The following SLC5A10 variants were observed in gnomAD, a reference collection of about 807,000 sequenced individuals.
The protein encoded by SLC5A10 is solute carrier family 5 member 10.
A neutral mutation model predicts 68.9 loss-of-function variants in SLC5A10; 55 were observed. The observed-to-expected ratio is 0.80, with a 90% CI of 0.64 to 1.00. The LOEUF (loss-of-function observed/expected upper bound fraction) is 1.00. SLC5A10 is among the 50% of genes least tolerant of loss of function. The probability of loss-of-function intolerance (pLI) is 0.00; values close to 1 mark genes in which losing one functional copy is unlikely to be tolerated. For missense variants in SLC5A10, 732 were observed against 819.3 expected (o/e 0.89, Z 1.30); for synonymous variants, 344 against 344.8 (o/e 1.00, Z 0.02).
chr17:18,971,211 C>T lies in SLC5A10; in HGVS notation c.839C>T (p.Thr280Ile). 8.7e-6 allele frequency: 14 copies of T among 1,613,940 alleles called. No individual in the cohort carries two copies. The highest frequency in any genetic ancestry group is 1.2e-5 in the Non-Finnish European group (14 of 1,180,040). The change falls in exon 8 of 15, where the codon ACC becomes ATC. Residue 280 changes from threonine to isoleucine, a missense_variant. Transcript: ENST00000395645. The surrounding 1 kb of genome is among the most constrained non-coding windows in gnomAD (Gnocchi z 5.5). ...ATCATGGCCACCTGGTACTGGTGCA[C>T]CGACCAGGTGAGTGCCAACGTCTCC... ...LTIMATWYWC[T>I]DQVIVQRSLS...
chr17:18,974,113 G>A (rs901571906), intron 8 of SLC5A10, among the ~76,000 whole-genome samples: 1 of 151,954 alleles, frequency 6.6e-6, no homozygotes, highest in African/African-American at 2.4e-5. Flanking sequence ...GGCTGGTCTC[G>A]AACTCCTGAC....
rs1444919640 is a variant in SLC5A10 at position 19,000,274 on chromosome 17, C to T, written c.983-13136C>T. Among the ~76,000 whole-genome samples the T allele has an allele frequency of 1.3e-5, 2 of 152,184 alleles. No individual in the cohort carries two copies. The highest frequency in any genetic ancestry group is 2.4e-5 in the African/African-American group (1 of 41,438). Reference sequence around the variant, plus strand: ...CTGAGAGTGAGACCTGGGACCCACCCGCCTCTTGTCCCAGGGGAGTCTAGG... The same window carrying T: ...CTGAGAGTGAGACCTGGGACCCACCTGCCTCTTGTCCCAGGGGAGTCTAGG... On this transcript the variant is annotated intron_variant, in intron 9 of 14. Transcript: ENST00000395645. This position sits in a 1 kb window ranked among gnomAD's most constrained non-coding sequence, Gnocchi z 5.2.
At chr17:18,962,734 C>A (rs1331631240) in intron 5 of SLC5A10, among the ~76,000 whole-genome samples, 1 of 151,988 alleles carries the variant, frequency 6.6e-6, no homozygotes, top group Non-Finnish European at 1.5e-5. Context: ...AGAGGGTGGA[C>A]TGGAGGTGAG....
In SLC5A10 at chr17:19,017,192, C is replaced by T. The variant is rs893966643; in HGVS notation, c.1241+1993C>T. ...GGGCAGGTTGCTCACCCTCTCTGGGCCCCAGTTCTCTCAGCTGCCAGCTGG... is the reference window on the plus strand; with the variant it reads ...GGGCAGGTTGCTCACCCTCTCTGGGTCCCAGTTCTCTCAGCTGCCAGCTGG... On this transcript the variant is annotated intron_variant, in intron 11 of 14. Transcript: ENST00000395645. The surrounding 1 kb of genome is among the most constrained non-coding windows in gnomAD (Gnocchi z 5.6). The T allele has an allele frequency of 1.0e-5, 12 of 1,188,474 alleles. No individual in the cohort carries two copies. Among genetic ancestry groups the T allele is most frequent in the Non-Finnish European group, 4.8e-6 (4 of 828,262 alleles). The allele number at this position is 1,188,474 out of a possible 1,614,324, so 73.6% of individuals were successfully genotyped here.
intron 9 of SLC5A10, among the ~76,000 whole-genome samples, chr17:18,982,595 G>A (rs781108905): frequency 1.3e-5 from 2 of 152,190 alleles, no homozygotes; most frequent in East Asian, 1.9e-4. Context: ...AGGGGAGGAC[G>A]GCCGGGTGGT....
Position 18,969,402 on chromosome 17 carries a change from C to T in SLC5A10, c.620C>T (p.Ala207Val), listed in dbSNP as rs371624697. The T allele has an allele frequency of 8.1e-6, 13 of 1,613,656 alleles. No individual in the cohort carries two copies. In the African/African-American group the frequency reaches 1.3e-4, roughly 17 times the overall value. The change falls in exon 7 of 15, where the codon GCT (alanine) becomes GTT (valine). Residue 207 changes from alanine to valine, a missense_variant. Physicochemically the swap from Ala to Val is moderately conservative, Grantham distance 64. Transcript: ENST00000395645. ...ALQTLIMVVG[A>V]VILTIKAFDQ... is the part of the protein sequence containing the mutation. ...CAGACGCTCATCATGGTGGTGGGGG[C>T]TGTCATCCTGACAATCAAAGGTGAG...
intron 9 of SLC5A10, among the ~76,000 whole-genome samples, chr17:19,006,599 G>T (rs1958278553): frequency 6.6e-6 from 1 of 152,074 alleles, no homozygotes. Flanking sequence ...TATGTGTATA[G>T]ATTTGTGTAA....
In SLC5A10 at chr17:18,969,113, C is replaced by T; in HGVS notation, c.515C>T (p.Ser172Phe). 6.2e-7 allele frequency: 1 copy of T among 1,614,142 alleles called. No homozygotes were observed. The highest frequency in any genetic ancestry group is 8.5e-7 in the Non-Finnish European group (1 of 1,179,990). The change falls in exon 6 of 15, where the codon TCC (serine) becomes TTC (phenylalanine). Residue 172 changes from serine to phenylalanine, a missense_variant. Coordinates refer to ENST00000395645, the MANE Select transcript of SLC5A10 (RefSeq NM_001042450.4). Reference protein sequence around the residue: ...HICLGWNFYLSTILTLGITAL... With the variant: ...HICLGWNFYLFTILTLGITAL... Reference sequence around the variant, plus strand: ...TGCCTGGGCTGGAACTTCTACCTCTCCACCATCCTCACGCTCGGCATCACA... The same window carrying T: ...TGCCTGGGCTGGAACTTCTACCTCTTCACCATCCTCACGCTCGGCATCACA...
chr17:19,013,197 A>T (rs936035219), intron 9 of SLC5A10, among the ~76,000 whole-genome samples: 2 of 152,208 alleles, frequency 1.3e-5, no homozygotes, highest in South Asian at 4.1e-4. Flanking sequence ...CAGGAAGAAG[A>T]GTTATGATGG....
intron 5 of SLC5A10, 134 bp downstream of exon 5, chr17:18,960,786 G>T (rs745640956): frequency 1.3e-4 from 113 of 869,598 alleles, no homozygotes; most frequent in Non-Finnish European, 2.0e-4. Flanking sequence ...CCAGAGAGGG[G>T]CAATGACTTG....
At chr17:19,015,221 C>CGGGGGTGGGGGCCGGTAT (rs2044114765) in intron 11 of SLC5A10, 22 bp downstream of exon 11, 1 of 120,898 alleles carries the variant, frequency 8.3e-6, no homozygotes, top group Non-Finnish European at 2.1e-5. Context: ...GGGGCCAGTA[C>CGGGGGTGGGGGCCGGTAT]GGGGGTGGGG....
chr17:18,988,502 C>A, intron 9 of SLC5A10: 1 of 1,566,062 alleles, frequency 6.4e-7, no homozygotes, highest in South Asian at 1.2e-5. Context: ...CCTCCCATGC[C>A]ACCAGCCTCT....
intron 9 of SLC5A10, among the ~76,000 whole-genome samples, chr17:18,982,670 C>T (rs1290918881): frequency 6.6e-6 from 1 of 152,170 alleles, no homozygotes. Context: ...CAAACTACAG[C>T]AACCTGCCCC....
intron 5 of SLC5A10, among the ~76,000 whole-genome samples, chr17:18,966,042 C>T (rs1374521108): frequency 6.6e-6 from 1 of 152,210 alleles, no homozygotes; most frequent in Non-Finnish European, 1.5e-5. Context: ...ACATTTGTCA[C>T]CTGTCAAAAG....
At position 18,971,992 on chromosome 17, in the gene SLC5A10, C is replaced by T. The variant is rs1434076762; in HGVS notation, c.846+774C>T. Among the ~76,000 whole-genome samples, 3 of 152,192 alleles carry T rather than the reference C, an allele frequency of 2.0e-5. No homozygotes were observed. The highest frequency in any genetic ancestry group is 4.8e-5 in the African/African-American group (2 of 41,450). On this transcript the variant is annotated intron_variant, in intron 8 of 14. Transcript: ENST00000395645. This position sits in a 1 kb window ranked among gnomAD's most constrained non-coding sequence, Gnocchi z 5.5. ...AGGCAGCTTCCTCCCAGCTCACCCC[C>T]GCAGCCTCCTCTATTCCGACACAGG...
In SLC5A10 at chr17:19,004,963, G is replaced by A. The variant is rs2043842019; in HGVS notation, c.983-8447G>A. The stretch of plus-strand genomic sequence containing the variant: ...CAGAGGCCTAAGCCCAAGAGCTCCT[G>A]GAACACCCATCCCAGAGAGGGACAG... On this transcript the variant is annotated intron_variant, in intron 9 of 14. Coordinates refer to ENST00000395645, the MANE Select transcript of SLC5A10 (RefSeq NM_001042450.4). The surrounding 1 kb of genome is among the most constrained non-coding windows in gnomAD (Gnocchi z 5.4). Among the ~76,000 whole-genome samples the A allele has an allele frequency of 6.6e-6, 1 of 152,168 alleles. No homozygotes were observed. Among genetic ancestry groups the A allele is most frequent in the African/African-American group, 2.4e-5 (1 of 41,448 alleles).
At chr17:19,016,758 CTCTGGCTCCCCT>C (rs1251331467) in intron 11 of SLC5A10, among the ~76,000 whole-genome samples, 2 of 152,212 alleles carry the variant, frequency 1.3e-5, no homozygotes, top group Non-Finnish European at 2.9e-5. Context: ...ACTTCTCCCC[CTCTGGCTCCCCT>C]GCCTCTCCTC....
At chr17:18,993,458 C>A (rs527412500) in intron 9 of SLC5A10, among the ~76,000 whole-genome samples, 1 of 152,140 alleles carries the variant, frequency 6.6e-6, no homozygotes, top group Non-Finnish European at 1.5e-5. Context: ...CCAACCTGCA[C>A]GTGACAAGCC....
Position 19,019,510 on chromosome 17 carries a change from GCAGT to G in SLC5A10, c.1334_1337del (p.Ser445Ter), listed in dbSNP as rs2044213110. On this transcript the variant is annotated frameshift_variant, in exon 12 of 15. Transcript: ENST00000395645. LOFTEE classifies it high-confidence loss of function. Reference sequence around the variant, plus strand: ...ACAGCGGGCAACTCTTCATCTACATGCAGTCAGTGACCAGCTCCCTGGCCCCACC... The same window carrying G: ...ACAGCGGGCAACTCTTCATCTACATGCAGTGACCAGCTCCCTGGCCCCACC... 5.6e-6 allele frequency: 9 copies of G among 1,612,488 alleles called. No homozygotes were observed. Among genetic ancestry groups the G allele is most frequent in the Non-Finnish European group, 7.6e-6 (9 of 1,179,950 alleles).
Sources: gnomAD v4.1 joint callset for allele counts (sites outside exome capture counted in the v4.1 genomes callset) on GRCh38, gnomAD v4.1.1 for gene constraint, Gnocchi (gnomAD v3.1) non-coding constraint, MANE v1.5 for transcripts, NCBI Gene and HGNC (gene_info 2026-07-23, HGNC 2026-07-21) for gene names.